The following LYPLAL1 variants were observed in gnomAD, a reference collection of about 807,000 sequenced individuals.
LYPLAL1 encodes lysophospholipase-like protein 1.
A neutral mutation model predicts 19.7 loss-of-function variants in LYPLAL1; 23 were observed. The ratio of observed to expected loss-of-function variants is 1.17; its 90% CI spans 0.84 to 1.65. LYPLAL1 has a LOEUF of 1.65. Ranked by LOEUF, LYPLAL1 falls within the 40% of genes most tolerant of loss-of-function variation. LYPLAL1 has a pLI of 0.00. For missense variants in LYPLAL1, 355 were observed against 279.4 expected (o/e 1.27, Z -1.93); for synonymous variants, 119 against 96.3 (o/e 1.24, Z -1.38).
the LYPLAL1 span, among the ~76,000 whole-genome samples, chr1:219,375,312 C>G: frequency 6.6e-6 from 1 of 151,724 alleles, no homozygotes; most frequent in East Asian, 1.9e-4. Flanking sequence ...ACTAAAAATA[C>G]AAAATTAGCT....
At chr1:219,255,161 G>A in the LYPLAL1 span, among the ~76,000 whole-genome samples, 1 of 151,578 alleles carries the variant, frequency 6.6e-6, no homozygotes, top group African/African-American at 2.4e-5. Context: ...GATTGAAATT[G>A]TATTAAAATT....
At chr1:219,289,166 G>A in the LYPLAL1 span, among the ~76,000 whole-genome samples, 3 of 148,408 alleles carry the variant, frequency 2.0e-5, no homozygotes, top group Non-Finnish European at 4.4e-5. Context: ...AAGGGCCCAA[G>A]GTTAGAGAGA....
At chr1:219,273,740 A>G in the LYPLAL1 span, among the ~76,000 whole-genome samples, 2 of 152,008 alleles carry the variant, frequency 1.3e-5, no homozygotes, top group Non-Finnish European at 2.9e-5. Context: ...TGACTCCTAC[A>G]GTGGTCTTTG....
intron 3 of LYPLAL1, among the ~76,000 whole-genome samples, chr1:219,209,699 A>G (rs1658844715): frequency 6.6e-6 from 1 of 152,082 alleles, no homozygotes; most frequent in Non-Finnish European, 1.5e-5. Flanking sequence ...CTTTCTCTCA[A>G]GCTTAGGAAT....
the LYPLAL1 span, among the ~76,000 whole-genome samples, chr1:219,392,998 A>G: frequency 6.6e-6 from 1 of 152,200 alleles, no homozygotes; most frequent in Admixed American, 6.5e-5. Context: ...GCTTGGGTCT[A>G]TTGGTCAGAC....
the LYPLAL1 span, among the ~76,000 whole-genome samples, chr1:219,440,028 T>TATATATAC: frequency 6.9e-6 from 1 of 144,124 alleles, no homozygotes; most frequent in African/African-American, 2.6e-5. Context: ...CACACACATA[T>TATATATAC]ATATATATAT....
Position 219,188,368 on chromosome 1 carries a change from G to A in LYPLAL1, c.192-4714G>A, listed in dbSNP as rs575245458. On this transcript the variant is annotated intron_variant, in intron 2 of 4. Transcript: ENST00000366928. ...GAGTCAAAGAAGCTCCCCTGAGAAG[G>A]TGACACTTGAGCTGAGACCTAAATG... Among the ~76,000 whole-genome samples, 6 of 151,932 alleles carry A rather than the reference G, an allele frequency of 3.9e-5. No individual in the cohort carries two copies. In the East Asian group the frequency reaches 9.6e-4, roughly 24 times the overall value.
chr1:219,410,462 T>C, the LYPLAL1 span, among the ~76,000 whole-genome samples: 194 of 152,314 alleles, frequency 1.3e-3, no homozygotes, highest in African/African-American at 4.5e-3. Flanking sequence ...ATTTGTTTTG[T>C]TTGGTTTTGA....
At chr1:219,376,340 T>C in the LYPLAL1 span, among the ~76,000 whole-genome samples, 3 of 152,090 alleles carry the variant, frequency 2.0e-5, no homozygotes, top group East Asian at 3.9e-4. Context: ...TAACTCAAAA[T>C]GGATTAAAGA....
the LYPLAL1 span, among the ~76,000 whole-genome samples, chr1:219,428,395 A>G: frequency 3.3e-5 from 5 of 152,240 alleles, no homozygotes; most frequent in Non-Finnish European, 5.9e-5. Flanking sequence ...TAGCTACTTT[A>G]AGTAACACTT....
intron 3 of LYPLAL1, among the ~76,000 whole-genome samples, chr1:219,202,130 A>G (rs1658157905): frequency 6.6e-6 from 1 of 152,210 alleles, no homozygotes; most frequent in South Asian, 2.1e-4. Context: ...TTCTAATCCT[A>G]TATTCCTCAC....
At chr1:219,334,264 G>A in the LYPLAL1 span, among the ~76,000 whole-genome samples, 1 of 151,922 alleles carries the variant, frequency 6.6e-6, no homozygotes, top group Non-Finnish European at 1.5e-5. Flanking sequence ...TGATATAACT[G>A]AGAATAATAT....
chr1:219,244,056 A>G, the LYPLAL1 span, among the ~76,000 whole-genome samples: 5 of 152,134 alleles, frequency 3.3e-5, no homozygotes, highest in African/African-American at 1.2e-4. Flanking sequence ...GAGAAGCCTA[A>G]AAAGAATCCC....
the LYPLAL1 span, among the ~76,000 whole-genome samples, chr1:219,288,973 G>A: frequency 1.3e-5 from 2 of 152,036 alleles, no homozygotes; most frequent in South Asian, 4.2e-4. Flanking sequence ...CTCGAATTTG[G>A]TCAGGAAATG....
intron 2 of LYPLAL1, among the ~76,000 whole-genome samples, chr1:219,189,716 A>C (rs1324456114): frequency 2.0e-5 from 3 of 151,580 alleles, no homozygotes; most frequent in African/African-American, 7.3e-5. Flanking sequence ...AATGAAGGAA[A>C]AGCTCAGTCT....
At chr1:219,329,841 CT>C in the LYPLAL1 span, among the ~76,000 whole-genome samples, 1 of 152,162 alleles carries the variant, frequency 6.6e-6, no homozygotes, top group African/African-American at 2.4e-5. Context: ...ACTCTAGAAC[CT>C]GTGGCGTTCA....
At chr1:219,411,522 G>A in the LYPLAL1 span, among the ~76,000 whole-genome samples, 24 of 152,206 alleles carry the variant, frequency 1.6e-4, no homozygotes, top group East Asian at 4.7e-3. Context: ...GACAAAACAG[G>A]CCACTCGGCT....
the LYPLAL1 span, chr1:219,225,484 C>T: frequency 6.6e-6 from 1 of 152,150 alleles, no homozygotes; most frequent in African/African-American, 2.4e-5. Flanking sequence ...CTCTCATCTT[C>T]TCACTTGTCA....
chr1:219,289,586 A>G, the LYPLAL1 span, among the ~76,000 whole-genome samples: 3 of 152,178 alleles, frequency 2.0e-5, no homozygotes, highest in Non-Finnish European at 4.4e-5. Flanking sequence ...GAGTGTGGGC[A>G]TGCAGAAAGA....
Sources: gnomAD v4.1 joint callset for allele counts (sites outside exome capture counted in the v4.1 genomes callset) on GRCh38, gnomAD v4.1.1 for gene constraint, MANE v1.5 for transcripts, NCBI Gene and HGNC (gene_info 2026-07-23, HGNC 2026-07-21) for gene names.